The following CFAP44 variants were observed in gnomAD, a reference collection of about 807,000 sequenced individuals.
CFAP44 encodes the protein cilia and flagella associated protein 44, also known as cilia- and flagella-associated protein 44.
CFAP44 carries 134 observed loss-of-function variants against 216.2 expected under a neutral mutation model. The ratio of observed to expected loss-of-function variants is 0.62; its 90% CI spans 0.54 to 0.72. The LOEUF is 0.72. Among genes scored for constraint, CFAP44 ranks in the 30% least tolerant of loss-of-function variants. CFAP44 has a pLI of 0.00. For missense variants in CFAP44, 2,035 were observed against 2,182.1 expected (o/e 0.93, Z 1.34); for synonymous variants, 700 against 727.6 (o/e 0.96, Z 0.61).
intron 1 of CFAP44, among the ~76,000 whole-genome samples, chr3:113,435,559 G>A (rs941202735): frequency 2.0e-5 from 3 of 151,272 alleles, no homozygotes; most frequent in Non-Finnish European, 4.4e-5. Flanking sequence ...CAGCCAAACT[G>A]TCTCTAAAAA....
chr3:113,433,166 T>C (rs1024879395), intron 2 of CFAP44, among the ~76,000 whole-genome samples: 5 of 152,056 alleles, frequency 3.3e-5, no homozygotes, highest in South Asian at 4.2e-4. Context: ...TGGTGGCTCA[T>C]GCCTGTAATC....
chr3:113,440,186 C>A (rs1017701049), intron 1 of CFAP44, among the ~76,000 whole-genome samples: 2 of 152,134 alleles, frequency 1.3e-5, no homozygotes, highest in Non-Finnish European at 2.9e-5. Context: ...GCCTCAGCCT[C>A]CCGAGTAGCT....
chr3:113,320,330 T>C (rs1950130766), intron 28 of CFAP44, among the ~76,000 whole-genome samples: 1 of 146,398 alleles, frequency 6.8e-6, no homozygotes, highest in African/African-American at 2.6e-5. Flanking sequence ...AACCTGACCC[T>C]GACCCTGACC....
chr3:113,300,494 C>T (rs1403057732), intron 32 of CFAP44, among the ~76,000 whole-genome samples: 3 of 141,590 alleles, frequency 2.1e-5, no homozygotes, highest in South Asian at 2.3e-4. Flanking sequence ...TATATATATA[C>T]CTACTATGTA....
chr3:113,326,576 T>G lies in CFAP44; in HGVS notation c.4385A>C (p.Glu1462Ala), dbSNP rs1330781509. Reference sequence around the variant, plus strand: ...ACCAGCATAGAGTGCCTTTTCTTGCTCCTGGAGTTTGGTGATTTCATTCTT... The same window carrying G: ...ACCAGCATAGAGTGCCTTTTCTTGCGCCTGGAGTTTGGTGATTTCATTCTT... ...EKKNEITKLQEQEKALYAGFQ... is the reference protein window; with the variant it reads ...EKKNEITKLQAQEKALYAGFQ... The change falls in exon 28 of 35, where the codon GAG becomes GCG. Residue 1462 changes from glutamate (E) to alanine (A), a missense_variant. Around this residue, in one of 3 missense-constraint regions of CFAP44, gnomAD observed 1,883 missense variants for 2,023.7 expected, o/e 0.93. Coordinates refer to ENST00000393845, the MANE Select transcript of CFAP44 (RefSeq NM_001164496.2). 1 of 1,532,092 alleles carries G rather than the reference T, an allele frequency of 6.5e-7. No homozygotes were observed. Among genetic ancestry groups the G allele is most frequent in the Admixed American group, 2.0e-5 (1 of 49,986 alleles). The allele number at this position is 1,532,092 out of a possible 1,614,324, so 94.9% of individuals were successfully genotyped here.
At chr3:113,309,049 C>T (rs1334436703) in intron 28 of CFAP44, among the ~76,000 whole-genome samples, 1 of 152,184 alleles carries the variant, frequency 6.6e-6, no homozygotes, top group African/African-American at 2.4e-5. Flanking sequence ...CTAGTGGTAT[C>T]ATGTTGACAA....
intron 34 of CFAP44, 103 bp from the exon 35 acceptor site, chr3:113,291,851 C>G: frequency 8.1e-7 from 1 of 1,235,496 alleles, no homozygotes; most frequent in South Asian, 1.7e-5. Flanking sequence ...TGACAGTCAC[C>G]CTAAACAGCC....
intron 18 of CFAP44, among the ~76,000 whole-genome samples, chr3:113,367,274 C>A (rs959381703): frequency 6.6e-6 from 1 of 152,232 alleles, no homozygotes; most frequent in Non-Finnish European, 1.5e-5. Flanking sequence ...GGGTCCCTGA[C>A]CCCCATGTAG....
rs183368295 is a variant in CFAP44 at position 113,416,783 on chromosome 3, G to T, written c.571-156C>A. ...GGCATCAGATAAATATTTAATGATGGATACAATTGAAACTGAAAACTAGAA... is the reference window on the plus strand; with the variant it reads ...GGCATCAGATAAATATTTAATGATGTATACAATTGAAACTGAAAACTAGAA... On this transcript the variant is annotated intron_variant, in intron 5 of 34. Coordinates refer to ENST00000393845, the MANE Select transcript of CFAP44 (RefSeq NM_001164496.2). Among the ~76,000 whole-genome samples the T allele has an allele frequency of 3.9e-5, 6 of 152,180 alleles. No individual in the cohort carries two copies. The East Asian group carries it at 9.6e-4, about 24-fold the overall frequency.
intron 29 of CFAP44, among the ~76,000 whole-genome samples, chr3:113,306,932 G>A (rs953424897): frequency 6.6e-6 from 1 of 152,084 alleles, no homozygotes; most frequent in Admixed American, 6.6e-5. Flanking sequence ...TAAATATTAT[G>A]ATTTTTAAAG....
At chr3:113,419,330 T>C (rs1421234008) in intron 5 of CFAP44, among the ~76,000 whole-genome samples, 2 of 152,176 alleles carry the variant, frequency 1.3e-5, no homozygotes, top group African/African-American at 4.8e-5. Context: ...TCTTGTCTCT[T>C]TAGATGGATT....
chr3:113,401,086 C>T (rs1030140495), intron 11 of CFAP44, among the ~76,000 whole-genome samples, 154 bp downstream of exon 11: 3 of 152,076 alleles, frequency 2.0e-5, no homozygotes, highest in Middle Eastern at 3.4e-3. Context: ...AAAATCATAA[C>T]GAGAGAGAGA....
chr3:113,339,016 C>G (rs1278265157), intron 24 of CFAP44, among the ~76,000 whole-genome samples: 1 of 152,140 alleles, frequency 6.6e-6, no homozygotes, highest in Non-Finnish European at 1.5e-5. Flanking sequence ...TCAATCAATC[C>G]TACACTGTTG....
chr3:113,342,819 G>A (rs537200452), intron 23 of CFAP44, among the ~76,000 whole-genome samples: 4 of 149,910 alleles, frequency 2.7e-5, no homozygotes, highest in Admixed American at 6.6e-5. Context: ...TGAAACCCCC[G>A]TCTCTGCTAA....
At chr3:113,323,728 A>G (rs79345879) in intron 28 of CFAP44, among the ~76,000 whole-genome samples, 4,371 of 152,252 alleles carry the variant, frequency 0.029, 108 homozygotes, top group East Asian at 0.099. Context: ...ACCACAAACT[A>G]CCATGACTCA....
chr3:113,309,303 A>C (rs55973292), intron 28 of CFAP44, among the ~76,000 whole-genome samples: 28,226 of 152,092 alleles, frequency 0.19, 3,171 homozygotes, highest in East Asian at 0.41. Flanking sequence ...CTGTTAAAAC[A>C]GTCTAGAGAA....
At chr3:113,334,326 GC>G (rs368536792) in intron 24 of CFAP44, among the ~76,000 whole-genome samples, 2 of 152,164 alleles carry the variant, frequency 1.3e-5, no homozygotes, top group Admixed American at 6.5e-5. Flanking sequence ...GATAGCATGA[GC>G]ATACATATTT....
chr3:113,377,453 A>G (rs767486026), intron 17 of CFAP44, among the ~76,000 whole-genome samples: 7 of 152,130 alleles, frequency 4.6e-5, no homozygotes, highest in Non-Finnish European at 1.0e-4. Flanking sequence ...ACTTCTCATT[A>G]GTTATATGGC....
Position 113,306,136 on chromosome 3 carries a change from C to T in CFAP44, c.4758+65G>A. ...TAATATTGTCATTGCTATAAAAAGG[C>T]AATATTATAGCTAGGAGGATGTGTA... On this transcript the variant is annotated intron_variant, in intron 30 of 34. Coordinates refer to ENST00000393845, the MANE Select transcript of CFAP44 (RefSeq NM_001164496.2). The T allele has an allele frequency of 3.4e-6, 5 of 1,475,830 alleles. No homozygotes were observed. The South Asian group carries it at 5.4e-5, about 16-fold the overall frequency. 91.4% of individuals were successfully genotyped at this position (1,475,830 alleles called of 1,614,324 possible). A position where few individuals can be genotyped will look rare whatever the true frequency, so the allele number is the denominator to read the frequency against.
Sources: allele counts gnomAD v4.1 joint callset (sites outside exome capture counted in the v4.1 genomes callset), GRCh38; gene constraint gnomAD v4.1.1; regional missense constraint gnomAD v4.1.1; transcripts MANE v1.5; gene names NCBI Gene and HGNC (gene_info 2026-07-23, HGNC 2026-07-21).